APP: variants seen among roughly 807,000 people sequenced by gnomAD.
The protein encoded by APP is amyloid beta precursor protein.
A neutral mutation model predicts 101.4 loss-of-function variants in APP; 31 were observed. The ratio of observed to expected loss-of-function variants is 0.31; its 90% CI spans 0.23 to 0.41. APP has a LOEUF of 0.41. APP is among the 10% of genes least tolerant of loss of function. The probability of loss-of-function intolerance (pLI) is 1.00; values close to 1 mark genes in which losing one functional copy is unlikely to be tolerated. For missense variants in APP, 839 were observed against 1,003.7 expected (o/e 0.84, Z 2.22); for synonymous variants, 366 against 364.4 (o/e 1.00, Z -0.05).
At chr21:26,052,834 C>T (rs957221855) in intron 4 of APP, among the ~76,000 whole-genome samples, 11 of 152,112 alleles carry the variant, frequency 7.2e-5, no homozygotes, top group African/African-American at 2.7e-4. Context: ...TAAAAATAAT[C>T]TGAAGGGTAA....
At chr21:26,042,705 C>G (rs942676114) in intron 5 of APP, among the ~76,000 whole-genome samples, 42 of 146,300 alleles carry the variant, frequency 2.9e-4, no homozygotes, top group African/African-American at 1.0e-3. Flanking sequence ...AGTTTGAAAA[C>G]AGTCTGGGCA....
At chr21:25,957,134 T>C (rs962159421) in intron 11 of APP, among the ~76,000 whole-genome samples, 8 of 152,206 alleles carry the variant, frequency 5.3e-5, no homozygotes, top group Admixed American at 4.6e-4. Context: ...GCCTTCTTTT[T>C]TCCTAAAAGA....
At chr21:25,975,910 C>T (rs201870424) in intron 10 of APP, 44 bp downstream of exon 10, 531 of 1,507,432 alleles carry the variant, frequency 3.5e-4, no homozygotes, top group Non-Finnish European at 4.4e-4. Flanking sequence ...ATTAAAAAGA[C>T]TGCTGGCATG....
At chr21:26,021,003 C>T (rs1445238933) in intron 6 of APP, among the ~76,000 whole-genome samples, 1 of 150,836 alleles carries the variant, frequency 6.6e-6, no homozygotes, top group Non-Finnish European at 1.5e-5. Context: ...TAAATCACCT[C>T]TGTTAAAATT....
chr21:25,885,433 C>A (rs899552643), intron 17 of APP, among the ~76,000 whole-genome samples: 1 of 152,228 alleles, frequency 6.6e-6, no homozygotes, highest in Non-Finnish European at 1.5e-5. Flanking sequence ...GGTGCTTGTT[C>A]TGGAAGGAAT....
chr21:26,008,380 G>A (rs2043631521), intron 6 of APP, among the ~76,000 whole-genome samples: 3 of 152,272 alleles, frequency 2.0e-5, no homozygotes, highest in South Asian at 2.1e-4. Context: ...ACTGAGCTGC[G>A]TGGTTAGCGT....
Position 26,080,378 on chromosome 21 carries a change from C to T in APP, c.355+9565G>A, listed in dbSNP as rs759092612. The stretch of plus-strand genomic sequence containing the variant: ...GAATAACCAAAGTCGCAGGTGATTC[C>T]TAAGATTCTGCTCATTTTTTAAGTT... On this transcript the variant is annotated intron_variant, in intron 3 of 17. Transcript: ENST00000346798. Among the ~76,000 whole-genome samples, 12 of 152,012 alleles carry T rather than the reference C, an allele frequency of 7.9e-5. 1 individual carries two copies. Among genetic ancestry groups the T allele is most frequent in the Non-Finnish European group, 1.8e-4 (12 of 67,982 alleles).
intron 3 of APP, among the ~76,000 whole-genome samples, chr21:26,059,890 C>CAAAAAAAAAAAA (rs57594630): frequency 3.4e-4 from 24 of 70,658 alleles, no homozygotes; most frequent in Admixed American, 2.0e-3. Flanking sequence ...GACTCCGTCT[C>CAAAAAAAAAAAA]AAAAAAAAAA....
At chr21:25,982,311 C>T (rs529418886) in intron 9 of APP, 33 bp downstream of exon 9, 6 of 1,612,326 alleles carry the variant, frequency 3.7e-6, no homozygotes, top group Admixed American at 3.3e-5. Context: ...TTCCCAATAT[C>T]GTAGGGCTGA....
At chr21:26,038,456 T>C (rs2146852660) in intron 5 of APP, among the ~76,000 whole-genome samples, 1 of 152,142 alleles carries the variant, frequency 6.6e-6, no homozygotes, top group African/African-American at 2.4e-5. Context: ...GGTAGAGAAG[T>C]GATTTGACTA....
At chr21:26,153,039 G>A (rs1488365670) in intron 1 of APP, among the ~76,000 whole-genome samples, 1 of 152,158 alleles carries the variant, frequency 6.6e-6, no homozygotes, top group East Asian at 1.9e-4. Context: ...AAGTAATTCA[G>A]GAATTGGAAA....
Position 26,037,925 on chromosome 21 carries a change from T to A in APP, c.662+13075A>T, listed in dbSNP as rs569296688. On this transcript the variant is annotated intron_variant, in intron 5 of 17. Coordinates refer to ENST00000346798, the MANE Select transcript of APP (RefSeq NM_000484.4). ...TGATATATCTTCTCTTACTTATTAG[T>A]AGTTAGAGTTTAAGATACAATATTT... Among the ~76,000 whole-genome samples, 527 of 152,298 alleles carry A rather than the reference T, an allele frequency of 3.5e-3. 5 individuals carry two copies. Among genetic ancestry groups the A allele is most frequent in the African/African-American group, 0.012 (502 of 41,572 alleles).
At chr21:25,932,028 T>C (rs1018774282) in intron 13 of APP, among the ~76,000 whole-genome samples, 5 of 152,224 alleles carry the variant, frequency 3.3e-5, no homozygotes, top group African/African-American at 4.8e-5. Flanking sequence ...CCACCCATGA[T>C]AAAATAACAT....
chr21:26,047,564 A>G (rs190915239), intron 5 of APP, among the ~76,000 whole-genome samples: 127 of 152,378 alleles, frequency 8.3e-4, no homozygotes, highest in African/African-American at 2.9e-3. Context: ...TAAAAAATAA[A>G]ATGGTGCAAG....
At chr21:26,140,734 C>T (rs1166582890) in intron 1 of APP, among the ~76,000 whole-genome samples, 1 of 152,212 alleles carries the variant, frequency 6.6e-6, no homozygotes, top group African/African-American at 2.4e-5. Context: ...TTAACAAAAG[C>T]TGTCTACATT....
chr21:26,161,914 AT>A (rs141093900), intron 1 of APP, among the ~76,000 whole-genome samples: 48 of 150,506 alleles, frequency 3.2e-4, no homozygotes, highest in East Asian at 9.7e-4. Context: ...GTAGATGAGG[AT>A]TTTTTTTTTG....
intron 1 of APP, among the ~76,000 whole-genome samples, chr21:26,138,526 CAAAA>C (rs10535530): frequency 2.4e-4 from 34 of 140,784 alleles, no homozygotes; most frequent in Admixed American, 2.8e-4. Flanking sequence ...TCTGTCTCTA[CAAAA>C]AAAAAAAAAA....
At position 26,073,641 on chromosome 21, in the gene APP, A is replaced by G. The variant is rs2061449043; in HGVS notation, c.355+16302T>C. 2.0e-5 allele frequency among the ~76,000 whole-genome samples: 3 copies of G among 152,322 alleles called. No individual in the cohort carries two copies. The South Asian group carries it at 6.2e-4, about 32-fold the overall frequency. ...GTGAGGGATCAGGGAGCTCTAAAGA[A>G]GAGGAAAAATATGAGAAGGCTAAAT... On this transcript the variant is annotated intron_variant, in intron 3 of 17. Transcript: ENST00000346798.
intron 1 of APP, among the ~76,000 whole-genome samples, chr21:26,155,987 C>T (rs948962589): frequency 1.5e-5 from 2 of 132,852 alleles, no homozygotes; most frequent in African/African-American, 3.0e-5. Flanking sequence ...GACAACAGAG[C>T]GAGACTTCGT....
Sources: allele counts gnomAD v4.1 joint callset (sites outside exome capture counted in the v4.1 genomes callset), GRCh38; gene constraint gnomAD v4.1.1; transcripts MANE v1.5; gene names NCBI Gene and HGNC (gene_info 2026-07-23, HGNC 2026-07-21).